Variants in PSMD4 observed in about 807,000 individuals in gnomAD.
The protein encoded by PSMD4 is 26S proteasome non-ATPase regulatory subunit 4.
A neutral mutation model predicts 39.7 loss-of-function variants in PSMD4; 5 were observed. The ratio of observed to expected loss-of-function variants is 0.13; its 90% CI spans 0.07 to 0.26. PSMD4 has a LOEUF of 0.26. Among genes scored for constraint, PSMD4 ranks in the 10% least tolerant of loss-of-function variants. PSMD4 has a pLI of 1.00. For missense variants in PSMD4, 272 were observed against 486.1 expected (o/e 0.56, Z 4.14); for synonymous variants, 143 against 174.6 (o/e 0.82, Z 1.43).
intron 1 of PSMD4, among the ~76,000 whole-genome samples, chr1:151,257,163 G>A (rs587671296): frequency 6.6e-6 from 1 of 152,206 alleles, no homozygotes; most frequent in Non-Finnish European, 1.5e-5. Context: ...CATATGGCTA[G>A]CCTAGCCAGT....
At chr1:151,264,115 C>A in intron 3 of PSMD4, 87 bp downstream of exon 3, 2 of 1,055,838 alleles carry the variant, frequency 1.9e-6, no homozygotes, top group South Asian at 1.5e-5. Flanking sequence ...GAATCCTGAG[C>A]TAGGACCAGA....
In PSMD4 at chr1:151,263,917, C is replaced by T; in HGVS notation, c.171C>T (p.Asp57=). ...AAATGCTTTTCCTACATCCCAGTGA[C>T]TGTGAAGTGCTGACCACACTCACCC... The part of the protein sequence containing the change: ...NNVGLITLAN[D]CEVLTTLTPD... Residue 57 remains aspartate, a synonymous_variant, in exon 3 of 10, where the codon GAC becomes GAT. Transcript: ENST00000368884. 3.8e-6 allele frequency: 6 copies of T among 1,574,852 alleles called. No homozygotes were observed. Among genetic ancestry groups the T allele is most frequent in the Non-Finnish European group, 5.2e-6 (6 of 1,158,626 alleles).
intron 9 of PSMD4, chr1:151,266,800 T>G: frequency 1.3e-6 from 1 of 773,428 alleles, no homozygotes; most frequent in Non-Finnish European, 2.2e-6. Flanking sequence ...TTTCCTTTCT[T>G]GCTGGTGGGA....
intron 3 of PSMD4, among the ~76,000 whole-genome samples, chr1:151,264,493 A>G (rs2101840063): frequency 6.6e-6 from 1 of 152,032 alleles, no homozygotes; most frequent in East Asian, 1.9e-4. Flanking sequence ...TATAAAAATT[A>G]GCCAGTACTA....
intron 1 of PSMD4, among the ~76,000 whole-genome samples, chr1:151,256,441 T>A (rs1434798686): frequency 1.3e-5 from 2 of 150,676 alleles, no homozygotes; most frequent in African/African-American, 2.4e-5. Context: ...CACTTTTTTT[T>A]TTTTTTTTCT....
intron 6 of PSMD4, 94 bp downstream of exon 6, chr1:151,265,703 C>G: frequency 2.3e-6 from 3 of 1,315,382 alleles, no homozygotes; most frequent in Non-Finnish European, 2.1e-6. Context: ...CTGGATAGTC[C>G]TAGACACTAC....
chr1:151,261,826 G>A (rs1474865002), intron 1 of PSMD4, among the ~76,000 whole-genome samples: 9 of 151,844 alleles, frequency 5.9e-5, no homozygotes, highest in African/African-American at 1.9e-4. Flanking sequence ...GTGGTGGCTT[G>A]CACCTATAGT....
intron 8 of PSMD4, 34 bp downstream of exon 8, chr1:151,266,473 G>T (rs1202980877): frequency 1.2e-6 from 2 of 1,614,094 alleles, no homozygotes; most frequent in Non-Finnish European, 1.7e-6. Context: ...CTAGGCAGAG[G>T]TTGGGGTGAG....
In PSMD4 at chr1:151,254,786, GT is replaced by G; in HGVS notation, c.5del (p.Val2GlyfsTer34). ...CGGGAGGGAGGAAGGTGGCAAGATG[GT>G]GTTGGAAAGCACTATGGTGTGGTGA... MVLESTMVCVDN... is the reference protein window; with the variant it reads MXLESTMVCVDN... On this transcript the variant is annotated frameshift_variant, in exon 1 of 10. Coordinates refer to ENST00000368884, the MANE Select transcript of PSMD4 (RefSeq NM_002810.4). LOFTEE classifies it high-confidence loss of function. The G allele has an allele frequency of 6.4e-7, 1 of 1,566,304 alleles. No individual in the cohort carries two copies. Among genetic ancestry groups the G allele is most frequent in the Non-Finnish European group, 8.6e-7 (1 of 1,157,584 alleles).
intron 1 of PSMD4, among the ~76,000 whole-genome samples, chr1:151,259,541 G>A (rs1693268459): frequency 9.7e-6 from 1 of 102,962 alleles, no homozygotes. Context: ...GCCAAACAAA[G>A]CATACTAAAG....
intron 1 of PSMD4, among the ~76,000 whole-genome samples, chr1:151,260,846 A>G (rs1309813256): frequency 6.7e-6 from 1 of 148,350 alleles, no homozygotes; most frequent in Non-Finnish European, 1.5e-5. Context: ...CCTATTTTAT[A>G]GATTTTTTTT....
At chr1:151,266,825 T>C (rs1267702051) in intron 9 of PSMD4, 3 of 730,816 alleles carry the variant, frequency 4.1e-6, no homozygotes, top group Non-Finnish European at 7.3e-6. Flanking sequence ...CCTGGGCAGT[T>C]CTCTAGGATG....
chr1:151,258,451 GTTTTTTTTTTTTT>G (rs869128528), intron 1 of PSMD4, among the ~76,000 whole-genome samples: 1 of 99,584 alleles, frequency 1.0e-5, no homozygotes, highest in Admixed American at 1.2e-4. Context: ...CTTTTCGAGT[GTTTTTTTTTTTTT>G]TTTTTTTTTT....
rs373744460 is a variant in PSMD4 at position 151,265,287 on chromosome 1, G to A, written c.438+53G>A. On this transcript the variant is annotated intron_variant, in intron 5 of 9. Coordinates refer to ENST00000368884, the MANE Select transcript of PSMD4 (RefSeq NM_002810.4). ...GACTTAATTTGGTCATAAACAGAAT[G>A]GTCCTTAACCCTGAGGAGTGCGGGT... The A allele has an allele frequency of 9.4e-6, 15 of 1,597,200 alleles. No homozygotes were observed. In the African/African-American group the frequency reaches 1.7e-4, roughly 19 times the overall value.
intron 1 of PSMD4, among the ~76,000 whole-genome samples, chr1:151,256,815 C>G (rs1693185738): frequency 1.4e-5 from 2 of 146,832 alleles, no homozygotes; most frequent in African/African-American, 2.5e-5. Flanking sequence ...TCCCCGCAAC[C>G]TTCGGCTCAC....
intron 9 of PSMD4, chr1:151,266,951 CAG>C: frequency 1.4e-6 from 1 of 716,398 alleles, no homozygotes. Flanking sequence ...GCTCAATTAA[CAG>C]AGTTCTCAGC....
intron 1 of PSMD4, 104 bp from the exon 2 acceptor site, chr1:151,262,057 G>C: frequency 1.6e-6 from 2 of 1,237,158 alleles, no homozygotes; most frequent in Non-Finnish European, 1.2e-6. Flanking sequence ...AGCTACAGGT[G>C]ATGCTATGAA....
chr1:151,262,547 G>C, intron 2 of PSMD4: 1 of 482,436 alleles, frequency 2.1e-6, no homozygotes, highest in South Asian at 2.4e-5. Context: ...TAGGGTAGGG[G>C]GTGAAATTTC....
intron 9 of PSMD4, chr1:151,266,864 G>T (rs1693460861): frequency 1.4e-6 from 1 of 715,130 alleles, no homozygotes; most frequent in South Asian, 1.5e-5. Flanking sequence ...AAGCGGGTCT[G>T]GGAAAAAGAA....
Sources: gnomAD v4.1 joint callset for allele counts (sites outside exome capture counted in the v4.1 genomes callset) on GRCh38, gnomAD v4.1.1 for gene constraint, MANE v1.5 for transcripts, NCBI Gene and HGNC (gene_info 2026-07-23, HGNC 2026-07-21) for gene names.